ZNF496: variants seen among roughly 807,000 people sequenced by gnomAD.
ZNF496 encodes zinc finger protein 496, also known as NSD1 (nuclear receptor binding SET-domain containing 1)-interacting zinc finger protein 1.
In ZNF496, 11 loss-of-function variants were observed where a neutral mutation model predicts 58.9. That is an observed-to-expected ratio of 0.19 (90% confidence interval 0.12 to 0.31). The LOEUF is 0.31. ZNF496 is among the 10% of genes least tolerant of loss of function. The pLI is 1.00. For missense variants in ZNF496, 660 were observed against 783.0 expected (o/e 0.84, Z 1.88); for synonymous variants, 338 against 318.2 (o/e 1.06, Z -0.66).
intron 6 of ZNF496, chr1:247,312,362 G>C (rs1282172323): frequency 6.6e-6 from 1 of 152,092 alleles, no homozygotes; most frequent in Non-Finnish European, 1.5e-5. Context: ...TTTCCATCTG[G>C]GACCTCATAA....
chr1:247,309,327 C>A lies in ZNF496; in HGVS notation c.892+372G>T. 3 of 1,009,808 alleles carry A rather than the reference C, an allele frequency of 3.0e-6. No individual in the cohort carries two copies. The South Asian group carries it at 9.7e-5, about 33-fold the overall frequency. 62.6% of individuals were successfully genotyped at this position (1,009,808 alleles called of 1,614,324 possible). On this transcript the variant is annotated intron_variant, in intron 8 of 9. Coordinates refer to ENST00000682384, the MANE Select transcript of ZNF496 (RefSeq NM_032752.3). This position sits in a 1 kb window ranked among gnomAD's most constrained non-coding sequence, Gnocchi z 4.3. ...ACAGGTGAGGCACCTCAAAGGGCTG[C>A]GCTCGGTGCCCAGTTAGGAGACACT...
chr1:247,304,924 A>T (rs556190000), intron 9 of ZNF496, among the ~76,000 whole-genome samples: 1 of 152,300 alleles, frequency 6.6e-6, no homozygotes, highest in African/African-American at 2.4e-5. Flanking sequence ...GTTGATGCTG[A>T]AACAGGTTGA....
In ZNF496 at chr1:247,329,253, C is replaced by T. The variant is rs774371241; in HGVS notation, c.326G>A (p.Ser109Asn). Residue 109 changes from serine (S) to asparagine (N), a missense_variant, in exon 4 of 10, where the codon AGC (serine) becomes AAC (asparagine). Coordinates refer to ENST00000682384, the MANE Select transcript of ZNF496 (RefSeq NM_032752.3). This position sits in a 1 kb window ranked among gnomAD's most constrained non-coding sequence, Gnocchi z 5.5. ...QSWVRAQEPE[S>N]GEQAVAAVEA... is the part of the protein sequence containing the mutation. The stretch of plus-strand genomic sequence containing the variant: ...CACCGCGGCCACAGCCTGCTCTCCG[C>T]TCTCAGGCTCCTGCGCCCGCACCCA... 3.3e-5 allele frequency: 54 copies of T among 1,613,546 alleles called. No individual in the cohort carries two copies. Among genetic ancestry groups the T allele is most frequent in the Middle Eastern group, 3.3e-4 (2 of 6,084 alleles).
At chr1:247,323,441 G>GA (rs1281849864) in intron 5 of ZNF496, among the ~76,000 whole-genome samples, 1 of 152,172 alleles carries the variant, frequency 6.6e-6, no homozygotes, top group East Asian at 1.9e-4. Flanking sequence ...TGACGCACAT[G>GA]AAAAGTACTC....
At chr1:247,319,827 G>A (rs1659904580) in intron 6 of ZNF496, among the ~76,000 whole-genome samples, 1 of 152,094 alleles carries the variant, frequency 6.6e-6, no homozygotes, top group Admixed American at 6.6e-5. Context: ...GGAAGCTGAG[G>A]CAAGAGAACT....
chr1:247,319,809 G>T (rs950354707), intron 6 of ZNF496, among the ~76,000 whole-genome samples: 4 of 152,106 alleles, frequency 2.6e-5, no homozygotes, highest in Non-Finnish European at 5.9e-5. Flanking sequence ...TGTAGTCTCA[G>T]CTACTCGGGA....
chr1:247,322,661 G>T, intron 6 of ZNF496: 1 of 1,250,964 alleles, frequency 8.0e-7, no homozygotes, highest in Non-Finnish European at 1.0e-6. Context: ...ACAAAAACAC[G>T]AACGAGAACA....
At chr1:247,318,904 A>G (rs1039217250) in intron 6 of ZNF496, among the ~76,000 whole-genome samples, 1 of 150,362 alleles carries the variant, frequency 6.7e-6, no homozygotes, top group East Asian at 2.0e-4. Flanking sequence ...TTCTAAATGT[A>G]TGTAGAGGAA....
chr1:247,322,604 C>T (rs1255432927), intron 6 of ZNF496: 4 of 675,832 alleles, frequency 5.9e-6, no homozygotes, highest in Non-Finnish European at 8.9e-6. Flanking sequence ...GACCAGCCCC[C>T]AGCCCTGACT....
Position 247,322,942 on chromosome 1 carries a change from T to TGACAG in ZNF496, c.651+207_651+211dup. The TGACAG allele has an allele frequency of 4.0e-6, 3 of 741,864 alleles. No homozygotes were observed. The East Asian group carries it at 9.0e-5, about 22-fold the overall frequency. 46.0% of individuals were successfully genotyped at this position (741,864 alleles called of 1,614,324 possible). A position where few individuals can be genotyped will look rare whatever the true frequency, so the allele number is the denominator to read the frequency against. On this transcript the variant is annotated intron_variant, in intron 6 of 9. Transcript: ENST00000682384. ...ACAAAGCTTCCTGAAGGTGGCCTGA[T>TGACAG]GACAGTAGACCCAGTGGGCGGCTGG...
At chr1:247,319,807 C>G (rs1659903784) in intron 6 of ZNF496, among the ~76,000 whole-genome samples, 1 of 152,056 alleles carries the variant, frequency 6.6e-6, no homozygotes, top group South Asian at 2.1e-4. Flanking sequence ...CCTGTAGTCT[C>G]AGCTACTCGG....
At chr1:247,306,028 C>G (rs926953974) in intron 9 of ZNF496, among the ~76,000 whole-genome samples, 5 of 152,054 alleles carry the variant, frequency 3.3e-5, no homozygotes, top group Non-Finnish European at 4.4e-5. Flanking sequence ...GATTCAGACC[C>G]AAAACTACAA....
Position 247,308,922 on chromosome 1 carries a change from A to C in ZNF496, c.893-334T>G. 19 of 344,996 alleles carry C rather than the reference A, an allele frequency of 5.5e-5. No homozygotes were observed. Among genetic ancestry groups the C allele is most frequent in the South Asian group, 1.4e-4 (6 of 42,118 alleles). The allele number at this position is 344,996 out of a possible 1,614,324, so 21.4% of individuals were successfully genotyped here. A position where few individuals can be genotyped will look rare whatever the true frequency, so the allele number is the denominator to read the frequency against. ...GTGGGTTTTCTATAGTCATCACCAC[A>C]GGCTCCTGCACACTCCGCACATCCT... On this transcript the variant is annotated intron_variant, in intron 8 of 9. Coordinates refer to ENST00000682384, the MANE Select transcript of ZNF496 (RefSeq NM_032752.3). This position sits in a 1 kb window ranked among gnomAD's most constrained non-coding sequence, Gnocchi z 4.5.
Position 247,321,928 on chromosome 1 carries a change from C to T in ZNF496, c.651+1226G>A, listed in dbSNP as rs114952140. Among the ~76,000 whole-genome samples the T allele has an allele frequency of 2.3e-3, 355 of 152,326 alleles. 4 individuals carry two copies. Among genetic ancestry groups the T allele is most frequent in the African/African-American group, 8.3e-3 (347 of 41,578 alleles). ...GGGGCAAAAGCAAGTTATGGAGATG[C>T]CCCCTAACTGGGTAACCTGGCTAAC... On this transcript the variant is annotated intron_variant, in intron 6 of 9. Coordinates refer to ENST00000682384, the MANE Select transcript of ZNF496 (RefSeq NM_032752.3).
rs1446530423 is a variant in ZNF496 at position 247,297,668 on chromosome 1, G to A, written c.*2851C>T. 2 of 152,314 alleles carry A rather than the reference G, an allele frequency of 1.3e-5. No homozygotes were observed. The highest frequency in any genetic ancestry group is 4.8e-5 in the African/African-American group (2 of 41,462). The allele number at this position is 152,314 out of a possible 1,614,324, so 9.4% of individuals were successfully genotyped here. On this transcript the variant is annotated 3_prime_UTR_variant, in exon 10 of 10. Transcript: ENST00000682384. The stretch of plus-strand genomic sequence containing the variant: ...CCTGGGTGCAGCCTCCTCCACCACT[G>A]TGGTGAAGGGTGTTGGGCTGGAGGG...
chr1:247,331,328 G>A (rs1660321951), intron 2 of ZNF496, 104 bp downstream of exon 2: 1 of 152,352 alleles, frequency 6.6e-6, no homozygotes. Flanking sequence ...GGCAGAAAGG[G>A]AAGGAGAAGG....
intron 9 of ZNF496, among the ~76,000 whole-genome samples, chr1:247,303,670 C>T (rs909406937): frequency 6.6e-6 from 1 of 152,070 alleles, no homozygotes; most frequent in South Asian, 2.1e-4. Context: ...GAGGAGGTAT[C>T]GAAGCAAAGT....
At chr1:247,323,511 G>C (rs778545360) in intron 5 of ZNF496, among the ~76,000 whole-genome samples, 5 of 152,194 alleles carry the variant, frequency 3.3e-5, no homozygotes, top group Non-Finnish European at 7.3e-5. Flanking sequence ...GGCTGTAACA[G>C]AGTGTGCCTG....
chr1:247,328,819 A>T lies in ZNF496; in HGVS notation c.438T>A (p.Pro146=), dbSNP rs1214370199. 1.9e-6 allele frequency: 3 copies of T among 1,611,544 alleles called. No individual in the cohort carries two copies. Among genetic ancestry groups the T allele is most frequent in the Middle Eastern group, 3.3e-4 (2 of 6,044 alleles). The change falls in exon 5 of 10, where the codon CCT becomes CCA. Residue 146 remains proline (P), a synonymous_variant. Coordinates refer to ENST00000682384, the MANE Select transcript of ZNF496 (RefSeq NM_032752.3). ...DPVVIDDGDS[P]LDQEQEQLPV... Reference sequence around the variant, plus strand: ...GCAGCTGCTCCTGCTCCTGGTCCAGAGGGCTGTCCCCATCATCAATCACCA... The same window carrying T: ...GCAGCTGCTCCTGCTCCTGGTCCAGTGGGCTGTCCCCATCATCAATCACCA...
Sources: gnomAD v4.1 joint callset for allele counts (sites outside exome capture counted in the v4.1 genomes callset) on GRCh38, gnomAD v4.1.1 for gene constraint, Gnocchi (gnomAD v3.1) non-coding constraint, MANE v1.5 for transcripts, NCBI Gene and HGNC (gene_info 2026-07-23, HGNC 2026-07-21) for gene names.